The following ARF4 variants were observed in gnomAD, a reference collection of about 807,000 sequenced individuals.
ARF4 encodes the protein ARF GTPase 4, also known as ADP-ribosylation factor 4.
ARF4 carries 5 observed loss-of-function variants against 24.3 expected under a neutral mutation model. The observed-to-expected ratio is 0.21, with a 90% CI of 0.11 to 0.43. ARF4 has a LOEUF of 0.43. Among genes scored for constraint, ARF4 ranks in the 20% least tolerant of loss-of-function variants. ARF4 has a pLI of 1.00. For synonymous variants in ARF4, 62 were observed against 73.5 expected, an observed-to-expected ratio of 0.84 and a Z score of 0.80; for missense variants, 107 against 213.0, an observed-to-expected ratio of 0.50 and a Z score of 3.10.
chr3:57,592,825 G>A (rs1222722828), intron 1 of ARF4, among the ~76,000 whole-genome samples: 1 of 152,110 alleles, frequency 6.6e-6, no homozygotes, highest in Non-Finnish European at 1.5e-5. Context: ...CTGAGAAAAT[G>A]CTTGTAATAA....
At chr3:57,573,932 T>G (rs1197422712) in intron 5 of ARF4, among the ~76,000 whole-genome samples, 1 of 150,716 alleles carries the variant, frequency 6.6e-6, no homozygotes, top group African/African-American at 2.5e-5. Flanking sequence ...GGCAATAGGT[T>G]GTTTTTTTTT....
intron 3 of ARF4, among the ~76,000 whole-genome samples, chr3:57,578,440 T>C (rs867358988): frequency 1.3e-5 from 2 of 151,758 alleles, no homozygotes; most frequent in African/African-American, 4.8e-5. Context: ...GAGTAAGACA[T>C]TCTTTAAAAA....
chr3:57,577,242 A>C lies in ARF4; in HGVS notation c.330+74T>G, dbSNP rs1017651346. The C allele has an allele frequency of 3.2e-6, 4 of 1,242,964 alleles. No individual in the cohort carries two copies. In the African/African-American group the frequency reaches 6.0e-5, roughly 19 times the overall value. The allele number at this position is 1,242,964 out of a possible 1,614,324, so 77.0% of individuals were successfully genotyped here. The stretch of plus-strand genomic sequence containing the variant: ...TTTGTGTAATCTAATCATAGTCAAA[A>C]TGTACTAAACCACCACCAGTTTAAT... On this transcript the variant is annotated intron_variant, in intron 4 of 5. Coordinates refer to ENST00000303436, the MANE Select transcript of ARF4 (RefSeq NM_001660.4).
intron 1 of ARF4, among the ~76,000 whole-genome samples, chr3:57,585,098 A>C (rs1424368212): frequency 1.3e-5 from 2 of 152,128 alleles, no homozygotes; most frequent in Non-Finnish European, 1.5e-5. Flanking sequence ...TCCTGGCCTC[A>C]AGTGATCTGC....
At chr3:57,590,087 C>CTAAA (rs2070090612) in intron 1 of ARF4, among the ~76,000 whole-genome samples, 1 of 96,606 alleles carries the variant, frequency 1.0e-5, no homozygotes, top group African/African-American at 3.5e-5. Context: ...AAGACTCTGT[C>CTAAA]TCAATAAATA....
At chr3:57,575,696 TAAC>T in intron 4 of ARF4, 23 bp from the exon 5 acceptor site, 1 of 1,592,180 alleles carries the variant, frequency 6.3e-7, no homozygotes, top group Non-Finnish European at 8.5e-7. Flanking sequence ...GGTAAGGCAT[TAAC>T]AACTACCAAC....
At chr3:57,587,454 T>C (rs780400333) in intron 1 of ARF4, among the ~76,000 whole-genome samples, 3 of 151,930 alleles carry the variant, frequency 2.0e-5, no homozygotes, top group Non-Finnish European at 4.4e-5. Context: ...TTTCTTTTAA[T>C]AGGTTTTATA....
intron 1 of ARF4, 115 bp from the exon 2 acceptor site, chr3:57,584,579 A>T: frequency 1.2e-6 from 1 of 858,376 alleles, no homozygotes; most frequent in Non-Finnish European, 1.8e-6. Context: ...CAACTTCTAA[A>T]TGAGTTAGAA....
chr3:57,592,592 A>G (rs1039833176), intron 1 of ARF4, among the ~76,000 whole-genome samples: 1 of 152,180 alleles, frequency 6.6e-6, no homozygotes, highest in African/African-American at 2.4e-5. Context: ...CTACACACGG[A>G]TGAGAAACAT....
intron 1 of ARF4, among the ~76,000 whole-genome samples, chr3:57,587,249 G>A (rs1279967058): frequency 6.6e-6 from 1 of 150,890 alleles, no homozygotes; most frequent in Admixed American, 6.6e-5. Context: ...AACCCAGGAG[G>A]CGGATGTTGC....
At chr3:57,595,667 G>A (rs910205974) in intron 1 of ARF4, among the ~76,000 whole-genome samples, 1 of 152,034 alleles carries the variant, frequency 6.6e-6, no homozygotes, top group Non-Finnish European at 1.5e-5. Flanking sequence ...TAAAACCTCC[G>A]GCCGGGCGCG....
At chr3:57,576,699 A>C (rs2069907592) in intron 4 of ARF4, among the ~76,000 whole-genome samples, 1 of 152,160 alleles carries the variant, frequency 6.6e-6, no homozygotes, top group Admixed American at 6.5e-5. Flanking sequence ...AATCATGACA[A>C]GGATTCTCAG....
chr3:57,573,939 T>G (rs1016615247), intron 5 of ARF4, among the ~76,000 whole-genome samples: 38 of 150,564 alleles, frequency 2.5e-4, no homozygotes, highest in African/African-American at 3.2e-4. Flanking sequence ...GGTTGTTTTT[T>G]TTTGTTTGTT....
intron 3 of ARF4, among the ~76,000 whole-genome samples, 200 bp downstream of exon 3, chr3:57,583,698 A>G (rs1268326576): frequency 6.6e-6 from 1 of 152,140 alleles, no homozygotes; most frequent in Non-Finnish European, 1.5e-5. Context: ...ACTTACCGCA[A>G]TTGCTTTACA....
intron 5 of ARF4, among the ~76,000 whole-genome samples, chr3:57,573,212 A>G (rs1012907875): frequency 2.0e-5 from 3 of 151,818 alleles, no homozygotes; most frequent in African/African-American, 4.8e-5. Flanking sequence ...AAAAAAAAAA[A>G]AAAGAAAGAA....
At chr3:57,590,167 A>G (rs529260177) in intron 1 of ARF4, among the ~76,000 whole-genome samples, 1 of 151,450 alleles carries the variant, frequency 6.6e-6, no homozygotes, top group Non-Finnish European at 1.5e-5. Context: ...TCTATAAAAA[A>G]CCTACAGCTA....
chr3:57,583,716 C>T (rs571408445), intron 3 of ARF4, among the ~76,000 whole-genome samples, 182 bp downstream of exon 3: 1 of 152,270 alleles, frequency 6.6e-6, no homozygotes, highest in South Asian at 2.1e-4. Flanking sequence ...ACAACTCTTC[C>T]ACCCTATATA....
chr3:57,572,694 T>C (rs1041412437), intron 5 of ARF4, among the ~76,000 whole-genome samples: 15 of 152,060 alleles, frequency 9.9e-5, no homozygotes, highest in Admixed American at 8.5e-4. Flanking sequence ...AAGCTACTTC[T>C]ACCTATTCAT....
chr3:57,589,875 G>A (rs2070087193), intron 1 of ARF4, among the ~76,000 whole-genome samples: 1 of 151,378 alleles, frequency 6.6e-6, no homozygotes, highest in South Asian at 2.1e-4. Flanking sequence ...GGTGGATCAT[G>A]AGGCCAGGAG....
Sources: gnomAD v4.1 joint callset for allele counts (sites outside exome capture counted in the v4.1 genomes callset) on GRCh38, gnomAD v4.1.1 for gene constraint, MANE v1.5 for transcripts, NCBI Gene and HGNC (gene_info 2026-07-23, HGNC 2026-07-21) for gene names.